The following MACROD2 variants were observed in gnomAD, a reference collection of about 807,000 sequenced individuals.
MACROD2 encodes ADP-ribose glycohydrolase MACROD2.
MACROD2 carries 36 observed loss-of-function variants against 70.4 expected under a neutral mutation model. That is an observed-to-expected ratio of 0.51 (90% CI 0.39 to 0.68). The LOEUF (loss-of-function observed/expected upper bound fraction) is 0.68, where lower values mean the gene tolerates loss of function less well. Among genes scored for constraint, MACROD2 ranks in the 30% least tolerant of loss-of-function variants. The probability of loss-of-function intolerance (pLI) is 0.00; values close to 1 mark genes in which losing one functional copy is unlikely to be tolerated. For missense variants in MACROD2, 496 were observed against 538.4 expected, an observed-to-expected ratio of 0.92 and a Z score of 0.78; for synonymous variants, 172 against 178.8, an observed-to-expected ratio of 0.96 and a Z score of 0.30.
In MACROD2 at chr20:15,783,650, T is replaced by TA. The variant is rs532871014; in HGVS notation, c.646-79093dup. 2.8e-4 allele frequency among the ~76,000 whole-genome samples: 42 copies of TA among 152,294 alleles called. 2 individuals carry two copies. The South Asian group carries it at 7.7e-3, about 28-fold the overall frequency. On this transcript the variant is annotated intron_variant, in intron 8 of 17. Transcript: ENST00000684519. ...TTTTAGGATAAAGATACATTGTTAA[T>TA]AATGTATAATAATAAATAAGACAAA...
intron 5 of MACROD2, among the ~76,000 whole-genome samples, chr20:14,802,695 T>G (rs1321799578): frequency 6.6e-6 from 1 of 152,012 alleles, no homozygotes; most frequent in Non-Finnish European, 1.5e-5. Flanking sequence ...AAATTTGTAT[T>G]ACAAATGATT....
At chr20:15,880,243 G>A (rs1376846424) in intron 9 of MACROD2, among the ~76,000 whole-genome samples, 3 of 152,046 alleles carry the variant, frequency 2.0e-5, no homozygotes, top group East Asian at 1.9e-4. Context: ...AGAACAGATC[G>A]GGTTAGTTGC....
intron 6 of MACROD2, among the ~76,000 whole-genome samples, chr20:15,409,101 G>A (rs1474546034): frequency 6.6e-6 from 1 of 152,142 alleles, no homozygotes; most frequent in Admixed American, 6.5e-5. Context: ...ATGCTAGCCA[G>A]TTCTGGTTGG....
intron 2 of MACROD2, chr20:14,003,554 CTGATAAGAT>C: frequency 2.8e-6 from 1 of 353,842 alleles, no homozygotes; most frequent in Non-Finnish European, 5.6e-6. Flanking sequence ...TGATTCCAAA[CTGATAAGAT>C]TGGCCTTAAG....
At chr20:14,638,473 T>G (rs562849853) in intron 4 of MACROD2, among the ~76,000 whole-genome samples, 5 of 152,184 alleles carry the variant, frequency 3.3e-5, no homozygotes, top group African/African-American at 4.8e-5. Context: ...GGATTATATA[T>G]AGAGAGAGAG....
chr20:14,812,565 A>C (rs112137585), intron 5 of MACROD2, among the ~76,000 whole-genome samples: 2,302 of 152,178 alleles, frequency 0.015, 70 homozygotes, highest in African/African-American at 0.052. Context: ...AACTTAAAGT[A>C]TAATAATAAA....
chr20:15,060,518 G>A (rs1244254832), intron 5 of MACROD2, among the ~76,000 whole-genome samples: 1 of 152,086 alleles, frequency 6.6e-6, no homozygotes, highest in African/African-American at 2.4e-5. Context: ...TCTCTTGCAT[G>A]GCTGGGCACC....
chr20:14,894,861 G>A (rs1223447287), intron 5 of MACROD2: 1 of 152,064 alleles, frequency 6.6e-6, no homozygotes, highest in Non-Finnish European at 1.5e-5. Context: ...AGGGGAGCAT[G>A]TTGCCGAACA....
rs763390606 is a variant in MACROD2, at chr20:15,937,480, T to A, written c.843T>A (p.Gly281=). 6.2e-7 allele frequency: 1 copy of A among 1,613,154 alleles called. No homozygotes were observed. Among genetic ancestry groups the A allele is most frequent in the Non-Finnish European group, 8.5e-7 (1 of 1,179,466 alleles). ...TGTTTCTTTTCTGCTTTATAGATGG[T>A]GTCAACACTGTCACTGTGCCCGGCC... is the stretch of plus-strand genomic sequence containing the variant. The part of the protein sequence containing the change: ...EMEEQSQDAD[G]VNTVTVPGPA... Residue 281 remains glycine, a synonymous_variant, in exon 12 of 18, where the codon GGT becomes GGA. Coordinates refer to ENST00000684519, the MANE Select transcript of MACROD2 (RefSeq NM_001351661.2).
chr20:15,842,071 G>T (rs188537275), intron 8 of MACROD2, among the ~76,000 whole-genome samples: 7 of 152,166 alleles, frequency 4.6e-5, no homozygotes, highest in African/African-American at 1.7e-4. Flanking sequence ...AGTCCATGAG[G>T]TGAGGAGTCT....
chr20:14,711,270 A>G (rs900026261), intron 5 of MACROD2, among the ~76,000 whole-genome samples: 1 of 152,122 alleles, frequency 6.6e-6, no homozygotes, highest in African/African-American at 2.4e-5. Context: ...AATCCTTTTG[A>G]AGTCAATTTC....
At chr20:14,174,823 TC>T (rs2148726695) in intron 3 of MACROD2, among the ~76,000 whole-genome samples, 1 of 152,292 alleles carries the variant, frequency 6.6e-6, no homozygotes, top group Non-Finnish European at 1.5e-5. Flanking sequence ...AGAAATGGCT[TC>T]CCTGGGGACC....
chr20:15,489,719 G>A (rs1490947458), intron 7 of MACROD2, among the ~76,000 whole-genome samples: 4 of 152,128 alleles, frequency 2.6e-5, no homozygotes, highest in South Asian at 4.1e-4. Context: ...GTTTCAAACC[G>A]TGTAACATCC....
intron 4 of MACROD2, among the ~76,000 whole-genome samples, chr20:14,608,037 G>A (rs898262584): frequency 1.3e-5 from 2 of 152,114 alleles, no homozygotes; most frequent in African/African-American, 4.8e-5. Flanking sequence ...TGGATCACCT[G>A]AGGTCAGGAG....
chr20:15,430,306 G>A (rs1350364179), intron 6 of MACROD2, among the ~76,000 whole-genome samples: 1 of 151,978 alleles, frequency 6.6e-6, no homozygotes, highest in Non-Finnish European at 1.5e-5. Context: ...AGGAGATACT[G>A]AGCAGTGAGA....
At chr20:15,176,023 G>A (rs778572777) in intron 5 of MACROD2, among the ~76,000 whole-genome samples, 20 of 152,242 alleles carry the variant, frequency 1.3e-4, no homozygotes, top group Non-Finnish European at 2.9e-4. Flanking sequence ...CCTGCTCCCA[G>A]TACCCTCTCT....
intron 5 of MACROD2, among the ~76,000 whole-genome samples, chr20:14,901,756 TAA>T (rs2073897184): frequency 6.6e-6 from 1 of 152,170 alleles, no homozygotes; most frequent in Non-Finnish European, 1.5e-5. Flanking sequence ...AATTTGCATC[TAA>T]TTGCCTGGAA....
intron 8 of MACROD2, among the ~76,000 whole-genome samples, chr20:15,668,600 A>G (rs771074684): frequency 2.0e-5 from 3 of 150,738 alleles, no homozygotes; most frequent in Non-Finnish European, 4.4e-5. Flanking sequence ...ATCATAGGTG[A>G]TGCTGCGCAT....
intron 6 of MACROD2, among the ~76,000 whole-genome samples, chr20:15,298,707 A>G (rs367758190): frequency 6.6e-6 from 1 of 152,210 alleles, no homozygotes; most frequent in Non-Finnish European, 1.5e-5. Context: ...TACATTCTGC[A>G]TTCCCTTTAA....
Sources: gnomAD v4.1 joint callset for allele counts (sites outside exome capture counted in the v4.1 genomes callset) on GRCh38, gnomAD v4.1.1 for gene constraint, MANE v1.5 for transcripts, NCBI Gene and HGNC (gene_info 2026-07-23, HGNC 2026-07-21) for gene names.